The following FARP2 variants were observed in gnomAD, a reference collection of about 807,000 sequenced individuals.
The protein encoded by FARP2 is FERM, ARH/RhoGEF and pleckstrin domain protein 2, also known as FERM, ARHGEF and pleckstrin domain-containing protein 2.
FARP2 carries 111 observed loss-of-function variants against 130.5 expected under a neutral mutation model. The ratio of observed to expected loss-of-function variants is 0.85; its 90% confidence interval spans 0.73 to 1.00. The LOEUF (loss-of-function observed/expected upper bound fraction) is 1.00. FARP2 is among the 50% of genes least tolerant of loss of function. FARP2 has a pLI of 0.00. For synonymous variants in FARP2, 504 were observed against 516.9 expected (o/e 0.98, Z 0.34); for missense variants, 1,385 against 1,346.3 (o/e 1.03, Z -0.45).
At chr2:241,425,246 C>A (rs1364388309) in intron 8 of FARP2, among the ~76,000 whole-genome samples, 1 of 152,066 alleles carries the variant, frequency 6.6e-6, no homozygotes, top group African/African-American at 2.4e-5. Flanking sequence ...AAAATCTAGG[C>A]AATGCCATTC....
chr2:241,457,434 A>ATGTTGG (rs2063883520), intron 14 of FARP2, among the ~76,000 whole-genome samples: 7 of 135,274 alleles, frequency 5.2e-5, no homozygotes, highest in Non-Finnish European at 9.8e-5. Flanking sequence ...CCCAGTGTAG[A>ATGTTGG]AAGATCTGGG....
At chr2:241,449,840 TACAC>T (rs922403406) in intron 13 of FARP2, among the ~76,000 whole-genome samples, 3 of 151,452 alleles carry the variant, frequency 2.0e-5, no homozygotes, top group Non-Finnish European at 2.9e-5. Context: ...CTACTAAAAA[TACAC>T]ACACACACAA....
At chr2:241,441,817 G>A (rs1291221684) in intron 13 of FARP2, 5 of 577,596 alleles carry the variant, frequency 8.7e-6, no homozygotes, top group Non-Finnish European at 1.6e-5. Flanking sequence ...GTTCATAGAC[G>A]ATGACCCAGC....
At chr2:241,391,328 G>A (rs2150328163) in intron 2 of FARP2, among the ~76,000 whole-genome samples, 1 of 152,360 alleles carries the variant, frequency 6.6e-6, no homozygotes, top group Middle Eastern at 3.4e-3. Flanking sequence ...GGCATACACT[G>A]TCTGCAAATG....
At chr2:241,404,143 G>A (rs2062269353) in intron 3 of FARP2, among the ~76,000 whole-genome samples, 1 of 152,224 alleles carries the variant, frequency 6.6e-6, no homozygotes. Flanking sequence ...ATGTGCTGAG[G>A]AAACTCTCTT....
chr2:241,490,959 G>A, intron 22 of FARP2, 102 bp from the exon 23 acceptor site: 2 of 845,200 alleles, frequency 2.4e-6, no homozygotes, highest in Non-Finnish European at 4.0e-6. Flanking sequence ...GGACAAAGCA[G>A]AATGTGAGAG....
intron 7 of FARP2, among the ~76,000 whole-genome samples, chr2:241,414,986 A>G (rs1406283312): frequency 1.3e-5 from 2 of 152,246 alleles, no homozygotes; most frequent in Non-Finnish European, 2.9e-5. Context: ...GAGAGGCTGT[A>G]GTGGCAATTA....
At position 241,494,183 on chromosome 2, in the gene FARP2, C is replaced by T. The variant is rs73008118; in HGVS notation, c.*58C>T. 54 of 1,109,876 alleles carry T rather than the reference C, an allele frequency of 4.9e-5. No homozygotes were observed. The highest frequency in any genetic ancestry group is 6.6e-5 in the Non-Finnish European group (53 of 800,108). The allele number at this position is 1,109,876 out of a possible 1,614,324, so 68.8% of individuals were successfully genotyped here. On this transcript the variant is annotated 3_prime_UTR_variant, in exon 27 of 27. Coordinates refer to ENST00000264042, the MANE Select transcript of FARP2 (RefSeq NM_014808.4). The surrounding 1 kb of genome is among the most constrained non-coding windows in gnomAD (Gnocchi z 4.9). ...AAAGAACAGCAGGACACAGAGGTGA[C>T]CTCTGTCCTGAGGCTTCTCAACAGA...
At chr2:241,466,195 T>A in intron 17 of FARP2, 2 of 985,306 alleles carry the variant, frequency 2.0e-6, no homozygotes, top group South Asian at 4.7e-5. Context: ...TCACGGGGCA[T>A]AAGGTCAGTT....
At chr2:241,400,441 C>T (rs2062138548) in intron 2 of FARP2, among the ~76,000 whole-genome samples, 2 of 152,048 alleles carry the variant, frequency 1.3e-5, no homozygotes, top group Admixed American at 1.3e-4. Flanking sequence ...AGGAACACAC[C>T]CAAACAAATA....
intron 12 of FARP2, among the ~76,000 whole-genome samples, chr2:241,439,847 A>G (rs941760903): frequency 6.6e-6 from 1 of 151,910 alleles, no homozygotes; most frequent in Non-Finnish European, 1.5e-5. Flanking sequence ...AATCCCAGCT[A>G]CTCGGGAGGC....
chr2:241,405,980 A>C lies in FARP2; in HGVS notation c.331+1139A>C, dbSNP rs1348130379. ...ACACATTAACTTTTTTTTAAAAAAA[A>C]CTTTTTCATTTATCATTTTTTTCCC... is the stretch of plus-strand genomic sequence containing the variant. On this transcript the variant is annotated intron_variant, in intron 4 of 26. Transcript: ENST00000264042. 2.0e-5 allele frequency among the ~76,000 whole-genome samples: 3 copies of C among 151,932 alleles called. No individual in the cohort carries two copies. In the East Asian group the frequency reaches 5.8e-4, roughly 30 times the overall value.
At position 241,483,508 on chromosome 2, in the gene FARP2, G is replaced by C; in HGVS notation, c.2306G>C (p.Gly769Ala). 1.2e-6 allele frequency: 2 copies of C among 1,614,204 alleles called. No homozygotes were observed. The highest frequency in any genetic ancestry group is 1.3e-5 in the African/African-American group (1 of 75,078). The change falls in exon 20 of 27, where the codon GGC becomes GCC. Residue 769 changes from glycine to alanine, a missense_variant. Transcript: ENST00000264042. ...EGCLHKLTKK[G>A]LQQRMFFLFS... ...TGCCTTCACAAGCTCACCAAGAAGGGCCTGCAGCAGAGGATGTTTTTTCTG... is the reference window on the plus strand; with the variant it reads ...TGCCTTCACAAGCTCACCAAGAAGGCCCTGCAGCAGAGGATGTTTTTTCTG...
At chr2:241,489,842 G>A in intron 21 of FARP2, 120 bp from the exon 22 acceptor site, 1 of 664,236 alleles carries the variant, frequency 1.5e-6, no homozygotes, top group Non-Finnish European at 2.7e-6. Flanking sequence ...TGTGCACTTG[G>A]ACAGCACTGG....
intron 19 of FARP2, among the ~76,000 whole-genome samples, chr2:241,477,048 G>A (rs1156369540): frequency 1.3e-5 from 2 of 150,944 alleles, no homozygotes; most frequent in African/African-American, 4.9e-5. Flanking sequence ...TCATAGAAAT[G>A]GTATCACACA....
At chr2:241,365,974 C>CT (rs543957880) in intron 1 of FARP2, among the ~76,000 whole-genome samples, 3,088 of 135,804 alleles carry the variant, frequency 0.023, 106 homozygotes, top group African/African-American at 0.071. Context: ...GGTTTATGCT[C>CT]TTTTTTTTTT....
intron 1 of FARP2, among the ~76,000 whole-genome samples, chr2:241,363,672 G>T (rs972478931): frequency 8.5e-5 from 13 of 152,244 alleles, no homozygotes; most frequent in African/African-American, 3.1e-4. Context: ...GGGACCGCAG[G>T]ACATTGCTGA....
chr2:241,438,395 AT>A (rs980611020), intron 12 of FARP2, among the ~76,000 whole-genome samples: 3 of 151,436 alleles, frequency 2.0e-5, no homozygotes, highest in African/African-American at 7.3e-5. Context: ...CTATCTGAAG[AT>A]TTTTTTTTAA....
At chr2:241,425,384 G>A (rs2062908024) in intron 8 of FARP2, among the ~76,000 whole-genome samples, 1 of 152,058 alleles carries the variant, frequency 6.6e-6, no homozygotes, top group Non-Finnish European at 1.5e-5. Context: ...TATCATCAGA[G>A]TGAACAGACA....
Sources: gnomAD v4.1 joint callset for allele counts (sites outside exome capture counted in the v4.1 genomes callset) on GRCh38, gnomAD v4.1.1 for gene constraint, Gnocchi (gnomAD v3.1) non-coding constraint, MANE v1.5 for transcripts, NCBI Gene and HGNC (gene_info 2026-07-23, HGNC 2026-07-21) for gene names.